The following HEATR5B variants were observed in gnomAD, a reference collection of about 807,000 sequenced individuals.
HEATR5B encodes HEAT repeat-containing protein 5B.
HEATR5B carries 156 observed loss-of-function variants against 224.1 expected under a neutral mutation model. The observed-to-expected ratio is 0.70, with a 90% CI of 0.61 to 0.80. The LOEUF (loss-of-function observed/expected upper bound fraction) is 0.80. HEATR5B is among the 30% of genes least tolerant of loss of function. HEATR5B has a pLI of 0.00. For synonymous variants in HEATR5B, 1,027 were observed against 893.0 expected (o/e 1.15, Z -2.68); for missense variants, 2,323 against 2,535.5 (o/e 0.92, Z 1.80).
chr2:37,006,347 T>C lies in HEATR5B; in HGVS notation c.4778-588A>G, dbSNP rs183456343. ...TCATTACCATGTATAAATTCTTAAA[T>C]GTTAAAAAAGCATCTATAGCTGGGT... On this transcript the variant is annotated intron_variant, in intron 29 of 35. Transcript: ENST00000233099. Among the ~76,000 whole-genome samples the C allele has an allele frequency of 3.2e-3, 491 of 152,282 alleles. 1 individual carries two copies. Among genetic ancestry groups the C allele is most frequent in the Non-Finnish European group, 5.7e-3 (387 of 68,022 alleles).
chr2:37,050,890 A>C (rs1325743533), intron 17 of HEATR5B, among the ~76,000 whole-genome samples: 1 of 150,796 alleles, frequency 6.6e-6, no homozygotes, highest in Non-Finnish European at 1.5e-5. Context: ...ATACAAAAAA[A>C]ATTAGCTGGG....
Position 36,981,655 on chromosome 2 carries a change from A to T in HEATR5B, c.6051T>A (p.Tyr2017Ter). 1.2e-6 allele frequency: 2 copies of T among 1,614,172 alleles called. No homozygotes were observed. Among genetic ancestry groups the T allele is most frequent in the Non-Finnish European group, 1.7e-6 (2 of 1,180,024 alleles). Residue 2017 changes from tyrosine (Y) to a stop codon, truncating the protein, a stop_gained, in exon 36 of 36, where the codon TAT becomes TAA. Coordinates refer to ENST00000233099, the MANE Select transcript of HEATR5B (RefSeq NM_019024.3). LOFTEE classifies it high-confidence loss of function. ...LQNLMHIGPL[Y>*]PHAFKTVMGA... ...CCATTACTGTCTTGAAAGCATGTGG[A>T]TACAGAGGTCCAATATGCATTAAAT... is the stretch of plus-strand genomic sequence containing the variant.
chr2:37,036,998 T>A (rs1669521809), intron 21 of HEATR5B, among the ~76,000 whole-genome samples: 1 of 151,492 alleles, frequency 6.6e-6, no homozygotes, highest in Non-Finnish European at 1.5e-5. Context: ...GTATCTCCAG[T>A]AGGTTGCATG....
chr2:37,019,042 C>T (rs1401837506), intron 26 of HEATR5B, among the ~76,000 whole-genome samples: 1 of 151,880 alleles, frequency 6.6e-6, no homozygotes, highest in Non-Finnish European at 1.5e-5. Flanking sequence ...CACCTAATCC[C>T]AGCTACTCAG....
intron 24 of HEATR5B, among the ~76,000 whole-genome samples, chr2:37,025,906 T>G (rs1668740866): frequency 6.6e-6 from 1 of 152,226 alleles, no homozygotes; most frequent in Non-Finnish European, 1.5e-5. Flanking sequence ...TGAATCCCTC[T>G]GCTTCTAATA....
intron 32 of HEATR5B, among the ~76,000 whole-genome samples, chr2:37,001,906 A>T (rs924011684): frequency 6.6e-6 from 1 of 152,190 alleles, no homozygotes; most frequent in Admixed American, 6.5e-5. Flanking sequence ...AGCTCAGGTG[A>T]TCCACCTGCC....
intron 33 of HEATR5B, among the ~76,000 whole-genome samples, chr2:36,995,339 T>G (rs962673574): frequency 6.6e-6 from 1 of 152,036 alleles, no homozygotes; most frequent in Non-Finnish European, 1.5e-5. Context: ...TCTGCCCACT[T>G]TGGCCTCCTT....
rs754008611 is a variant in HEATR5B at position 36,990,815 on chromosome 2, G to T, written c.5546-16C>A. On this transcript the variant is annotated splice_polypyrimidine_tract_variant and intron_variant, in intron 33 of 35. Transcript: ENST00000233099. ...ACAGAGTCTTCTGAAAATGAAAAATGAAAGAAGTGTGCTGTTTCTAAAACA... is the reference window on the plus strand; with the variant it reads ...ACAGAGTCTTCTGAAAATGAAAAATTAAAGAAGTGTGCTGTTTCTAAAACA... The T allele has an allele frequency of 1.3e-6, 2 of 1,536,860 alleles. No individual in the cohort carries two copies. The highest frequency in any genetic ancestry group is 1.2e-5 in the South Asian group (1 of 81,844).
intron 6 of HEATR5B, among the ~76,000 whole-genome samples, chr2:37,071,843 C>T (rs1671928326): frequency 6.6e-6 from 1 of 151,996 alleles, no homozygotes; most frequent in African/African-American, 2.4e-5. Context: ...TGACACCATG[C>T]CTGGCTAATT....
rs1316510692 is a variant in HEATR5B at position 37,068,881 on chromosome 2, C to G, written c.977G>C (p.Ser326Thr). ...TACATGGGACAGGAACGTGGCAAAG[C>G]TGCGCTCCAACCACTGACCACCCAA... ...TTLGGQWLER[S>T]FATFLSHVLD... The change falls in exon 8 of 36, where the codon AGC becomes ACC. Residue 326 changes from serine (S) to threonine (T), a missense_variant. By Grantham distance (58) the Ser-to-Thr change is moderately conservative. Around this residue, in one of 12 missense-constraint regions of HEATR5B, gnomAD observed 502 missense variants for 517.8 expected, o/e 0.97. Transcript: ENST00000233099. 1 of 1,614,144 alleles carries G rather than the reference C, an allele frequency of 6.2e-7. No homozygotes were observed. Among genetic ancestry groups the G allele is most frequent in the Non-Finnish European group, 8.5e-7 (1 of 1,180,002 alleles).
intron 15 of HEATR5B, among the ~76,000 whole-genome samples, 163 bp from the exon 16 acceptor site, chr2:37,056,778 T>C (rs574199867): frequency 6.6e-6 from 1 of 152,324 alleles, no homozygotes; most frequent in South Asian, 2.1e-4. Context: ...AATTTGGTCA[T>C]TAAAAAATCA....
intron 18 of HEATR5B, among the ~76,000 whole-genome samples, chr2:37,042,695 C>T (rs751935911): frequency 1.3e-5 from 2 of 152,010 alleles, no homozygotes; most frequent in African/African-American, 2.4e-5. Context: ...AGTTCATGAC[C>T]AGCCTGGCCA....
chr2:37,065,693 T>C (rs1439774227), intron 9 of HEATR5B, 62 bp downstream of exon 9: 1 of 1,376,094 alleles, frequency 7.3e-7, no homozygotes. Flanking sequence ...GAATTAAATA[T>C]CAATCACACT....
intron 34 of HEATR5B, among the ~76,000 whole-genome samples, chr2:36,990,414 A>G (rs1170756017): frequency 6.6e-6 from 1 of 151,888 alleles, no homozygotes; most frequent in Non-Finnish European, 1.5e-5. Flanking sequence ...CTCTACCAGT[A>G]TGCCCTGGGG....
At position 37,073,570 on chromosome 2, in the gene HEATR5B, G is replaced by C. The variant is rs554530552; in HGVS notation, c.598-1289C>G. Among the ~76,000 whole-genome samples, 19 of 152,216 alleles carry C rather than the reference G, an allele frequency of 1.2e-4. No individual in the cohort carries two copies. The East Asian group carries it at 3.7e-3, about 29-fold the overall frequency. On this transcript the variant is annotated intron_variant, in intron 5 of 35. Coordinates refer to ENST00000233099, the MANE Select transcript of HEATR5B (RefSeq NM_019024.3). ...GGACGTTGACATTGATAGAATTCAT[G>C]ATTTTAGTCATATTTCCCCAGTCTT...
At position 36,981,605 on chromosome 2, in the gene HEATR5B, C is replaced by T. The variant is rs201034467; in HGVS notation, c.6101G>A (p.Arg2034His). 59 of 1,614,192 alleles carry T rather than the reference C, an allele frequency of 3.7e-5. No homozygotes were observed. Among genetic ancestry groups the T allele is most frequent in the Admixed American group, 1.7e-4 (10 of 60,014 alleles). Residue 2034 changes from arginine to histidine, a missense_variant, in exon 36 of 36, where the codon CGT becomes CAT. This residue lies in a region of HEATR5B where 844 missense variants were observed against 812.9 expected (regional missense o/e 1.04). Transcript: ENST00000233099. ...VMGAAPELKVRLETAVRASQA... is the reference protein window; with the variant it reads ...VMGAAPELKVHLETAVRASQA... ...GCTTGCTCGAACGGCAGTTTCTAGA[C>T]GCACTTTCAACTCAGGAGCAGCCCC...
intron 20 of HEATR5B, among the ~76,000 whole-genome samples, chr2:37,038,240 A>C (rs200493223): frequency 1.3e-5 from 2 of 152,060 alleles, no homozygotes; most frequent in Non-Finnish European, 2.9e-5. Context: ...CCCAGGTTCA[A>C]GCAATTCTCC....
At position 36,988,889 on chromosome 2, in the gene HEATR5B, CAT is replaced by C. The variant is rs777224445; in HGVS notation, c.5698-32_5698-31del. ...ATAAGAAGAACATATTATCAATTAA[CAT>C]GTGTATAGTTCTTATTTGCTCTACA... On this transcript the variant is annotated intron_variant, in intron 34 of 35. Coordinates refer to ENST00000233099, the MANE Select transcript of HEATR5B (RefSeq NM_019024.3). 50 of 1,494,098 alleles carry C rather than the reference CAT, an allele frequency of 3.3e-5. No homozygotes were observed. In the African/African-American group the frequency reaches 4.5e-4, roughly 14 times the overall value. 92.6% of individuals were successfully genotyped at this position (1,494,098 alleles called of 1,614,324 possible).
Position 37,040,505 on chromosome 2 carries a change from T to C in HEATR5B, c.2870A>G (p.His957Arg). 1 of 1,606,994 alleles carries C rather than the reference T, an allele frequency of 6.2e-7. No individual in the cohort carries two copies. Among genetic ancestry groups the C allele is most frequent in the Non-Finnish European group, 8.5e-7 (1 of 1,177,582 alleles). ...TSPEVQTWSL[H>R]SLALIVDSSG... is the part of the protein sequence containing the mutation. ...AGAATCCACTATCAAAGCAAGTGAA[T>C]GAAGAGACCAAGTCTAGAATAAAAT... Residue 957 changes from histidine to arginine, a missense_variant, in exon 20 of 36, where the codon CAT becomes CGT. By Grantham distance (29) the His-to-Arg change is conservative. Coordinates refer to ENST00000233099, the MANE Select transcript of HEATR5B (RefSeq NM_019024.3).
Sources: allele counts gnomAD v4.1 joint callset (sites outside exome capture counted in the v4.1 genomes callset), GRCh38; gene constraint gnomAD v4.1.1; regional missense constraint gnomAD v4.1.1; transcripts MANE v1.5; gene names NCBI Gene and HGNC (gene_info 2026-07-23, HGNC 2026-07-21).